Variants in HDAC9 observed in about 807,000 individuals in gnomAD.
HDAC9 encodes MEF-2 interacting transcription repressor (MITR) protein.
In HDAC9, 41 loss-of-function variants were observed where a neutral mutation model predicts 139.4. The observed-to-expected ratio is 0.29, with a 90% CI of 0.23 to 0.38. HDAC9 has a LOEUF of 0.38. Among genes scored for constraint, HDAC9 ranks in the 10% least tolerant of loss-of-function variants. HDAC9 has a pLI of 1.00. For missense variants in HDAC9, 1,147 were observed against 1,297.0 expected, an observed-to-expected ratio of 0.88 and a Z score of 1.78; for synonymous variants, 517 against 476.2, an observed-to-expected ratio of 1.09 and a Z score of -1.12.
At chr7:18,246,394 T>C (rs1263513930) in intron 2 of HDAC9, among the ~76,000 whole-genome samples, 1 of 152,034 alleles carries the variant, frequency 6.6e-6, no homozygotes, top group Non-Finnish European at 1.5e-5. Flanking sequence ...TAACCATTTT[T>C]AGTGTACGAT....
intron 16 of HDAC9, among the ~76,000 whole-genome samples, chr7:18,786,392 G>C (rs779837131): frequency 3.3e-5 from 5 of 151,688 alleles, no homozygotes; most frequent in Non-Finnish European, 4.4e-5. Context: ...GGAGCTTCAG[G>C]TAATGCCTAA....
chr7:18,791,631 G>T (rs750755866), intron 16 of HDAC9, among the ~76,000 whole-genome samples: 12 of 152,148 alleles, frequency 7.9e-5, no homozygotes, highest in Non-Finnish European at 1.5e-4. Context: ...GATAGGGGAT[G>T]CTGGCTCCTA....
intron 1 of HDAC9, among the ~76,000 whole-genome samples, chr7:18,371,859 A>G (rs1035289473): frequency 6.6e-6 from 1 of 152,174 alleles, no homozygotes; most frequent in Non-Finnish European, 1.5e-5. Flanking sequence ...GCAAAAACAG[A>G]CTTCAGAGAT....
chr7:18,191,669 G>T lies in HDAC9; in HGVS notation c.25+29320G>T, dbSNP rs909121463. On this transcript the variant is annotated intron_variant, in intron 2 of 12. Transcript: ENST00000417496. Reference sequence around the variant, plus strand: ...GCTTGCCAAGTTTGTAAACTACACAGAATTCTTTGATTACAAGATGACAAT... The same window carrying T: ...GCTTGCCAAGTTTGTAAACTACACATAATTCTTTGATTACAAGATGACAAT... Among the ~76,000 whole-genome samples the T allele has an allele frequency of 2.6e-5, 4 of 152,268 alleles. No individual in the cohort carries two copies. The East Asian group carries it at 7.7e-4, about 29-fold the overall frequency.
At chr7:18,219,162 T>C (rs1792513810) in intron 2 of HDAC9, among the ~76,000 whole-genome samples, 2 of 152,172 alleles carry the variant, frequency 1.3e-5, no homozygotes, top group East Asian at 3.8e-4. Context: ...GGGGAATTAT[T>C]TTAAGAGTCT....
chr7:18,354,795 C>T (rs1433489359), intron 1 of HDAC9, among the ~76,000 whole-genome samples: 1 of 152,080 alleles, frequency 6.6e-6, no homozygotes, highest in Non-Finnish European at 1.5e-5. Context: ...GAGGGAAATG[C>T]CCTTCAGAAG....
At chr7:18,118,004 A>G (rs778599046) in intron 1 of HDAC9, among the ~76,000 whole-genome samples, 1 of 152,104 alleles carries the variant, frequency 6.6e-6, no homozygotes, top group Non-Finnish European at 1.5e-5. Context: ...TCACTTACAG[A>G]TCTCTCTGAG....
chr7:18,134,077 G>A (rs1785223667), intron 1 of HDAC9, among the ~76,000 whole-genome samples: 1 of 151,332 alleles, frequency 6.6e-6, no homozygotes, highest in Admixed American at 6.6e-5. Flanking sequence ...CCTGGAATTG[G>A]TCCATTACAA....
At chr7:18,921,791 C>T (rs371776149) in intron 22 of HDAC9, among the ~76,000 whole-genome samples, 42 of 152,032 alleles carry the variant, frequency 2.8e-4, no homozygotes, top group Admixed American at 1.7e-3. Flanking sequence ...ATGTTTATTG[C>T]GGCACTATTC....
chr7:18,364,676 T>C (rs1784041433), intron 1 of HDAC9, among the ~76,000 whole-genome samples: 1 of 152,096 alleles, frequency 6.6e-6, no homozygotes, highest in Admixed American at 6.6e-5. Context: ...GGAGATTCAT[T>C]TTAAAGCTTG....
chr7:18,181,501 T>G (rs1258329379), intron 2 of HDAC9, among the ~76,000 whole-genome samples: 1 of 152,196 alleles, frequency 6.6e-6, no homozygotes, highest in Non-Finnish European at 1.5e-5. Flanking sequence ...GTAAATCATT[T>G]CAGTAACTAC....
chr7:18,155,728 C>T (rs533880284), intron 1 of HDAC9, among the ~76,000 whole-genome samples: 1 of 152,230 alleles, frequency 6.6e-6, no homozygotes, highest in East Asian at 1.9e-4. Flanking sequence ...ACATGTTCTG[C>T]TCCTAGATAC....
At chr7:18,204,614 G>T (rs1352543306) in intron 2 of HDAC9, among the ~76,000 whole-genome samples, 1 of 151,882 alleles carries the variant, frequency 6.6e-6, no homozygotes, top group Non-Finnish European at 1.5e-5. Flanking sequence ...TGGAACTTCA[G>T]TGTTGTTTCA....
intron 11 of HDAC9, among the ~76,000 whole-genome samples, chr7:18,665,821 A>G (rs1475197316): frequency 1.3e-5 from 2 of 152,146 alleles, no homozygotes; most frequent in Non-Finnish European, 2.9e-5. Flanking sequence ...AACATTTTTT[A>G]TCACCCCCTT....
chr7:18,252,118 T>C (rs376924303), intron 2 of HDAC9, among the ~76,000 whole-genome samples: 31 of 152,312 alleles, frequency 2.0e-4, no homozygotes, highest in African/African-American at 7.5e-4. Flanking sequence ...GAAGATGAAG[T>C]CTTCTGCCTT....
intron 21 of HDAC9, among the ~76,000 whole-genome samples, chr7:18,861,097 T>C (rs1798069177): frequency 6.6e-6 from 1 of 152,168 alleles, no homozygotes; most frequent in African/African-American, 2.4e-5. Flanking sequence ...CATAATAAAA[T>C]ATTTCTTGAG....
intron 2 of HDAC9, among the ~76,000 whole-genome samples, chr7:18,243,922 A>G (rs1356321373): frequency 6.6e-6 from 1 of 152,214 alleles, no homozygotes. Flanking sequence ...TGAGGTAATG[A>G]TAATGATTAT....
chr7:18,306,689 G>A (rs1010140587), intron 1 of HDAC9, among the ~76,000 whole-genome samples: 10 of 152,206 alleles, frequency 6.6e-5, no homozygotes, highest in Middle Eastern at 3.4e-3. Flanking sequence ...TCTTTGGATG[G>A]ATATTCATGC....
chr7:18,174,498 G>A (rs775194655), intron 2 of HDAC9, among the ~76,000 whole-genome samples: 3 of 152,220 alleles, frequency 2.0e-5, no homozygotes, highest in African/African-American at 4.8e-5. Flanking sequence ...CATTGCTGGC[G>A]AGGAGCTGCG....
Sources: gnomAD v4.1 joint callset for allele counts (sites outside exome capture counted in the v4.1 genomes callset) on GRCh38, gnomAD v4.1.1 for gene constraint, MANE v1.5 for transcripts, NCBI Gene and HGNC (gene_info 2026-07-23, HGNC 2026-07-21) for gene names.